FHIP2A: variants seen among roughly 807,000 people sequenced by gnomAD.
FHIP2A encodes family with sequence similarity 160 member B1.
In FHIP2A, 46 loss-of-function variants were observed where a neutral mutation model predicts 93.5. That is an observed-to-expected ratio of 0.49 (90% CI 0.39 to 0.63). The LOEUF (loss-of-function observed/expected upper bound fraction) is 0.63. Ranked by LOEUF, FHIP2A falls within the 20% of genes least tolerant of loss-of-function variation. FHIP2A has a pLI of 0.00. For missense variants in FHIP2A, 769 were observed against 909.7 expected, an observed-to-expected ratio of 0.85 and a Z score of 1.99; for synonymous variants, 332 against 326.5, an observed-to-expected ratio of 1.02 and a Z score of -0.18.
intron 1 of FHIP2A, among the ~76,000 whole-genome samples, chr10:114,822,891 A>T (rs762985737): frequency 3.2e-4 from 48 of 152,244 alleles, no homozygotes; most frequent in Non-Finnish European, 6.2e-4. Flanking sequence ...AGGGTTTTAG[A>T]CACCAGCATA....
chr10:114,859,537 G>A (rs2083785614), intron 14 of FHIP2A, among the ~76,000 whole-genome samples: 1 of 152,136 alleles, frequency 6.6e-6, no homozygotes. Flanking sequence ...TGGGTTCTCT[G>A]CAGCCTCCTC....
intron 5 of FHIP2A, among the ~76,000 whole-genome samples, chr10:114,839,999 T>G (rs1010507186): frequency 1.3e-5 from 2 of 151,534 alleles, no homozygotes; most frequent in Non-Finnish European, 2.9e-5. Flanking sequence ...AAGGTGAGAA[T>G]CAAAGGAAAG....
At chr10:114,856,056 T>C (rs2083764785) in intron 14 of FHIP2A, among the ~76,000 whole-genome samples, 1 of 152,202 alleles carries the variant, frequency 6.6e-6, no homozygotes, top group African/African-American at 2.4e-5. Flanking sequence ...GTGTGGAAAC[T>C]GAGTGGACCA....
intron 12 of FHIP2A, among the ~76,000 whole-genome samples, chr10:114,847,750 C>CTTT (rs35185002): frequency 2.9e-4 from 41 of 139,040 alleles, no homozygotes; most frequent in Non-Finnish European, 4.0e-4. Context: ...CCTCCCCCAC[C>CTTT]TTTTTTTTTT....
In FHIP2A at chr10:114,846,192, T is replaced by C; in HGVS notation, c.1223T>C (p.Leu408Pro). 6.2e-7 allele frequency: 1 copy of C among 1,614,204 alleles called. No homozygotes were observed. The highest frequency in any genetic ancestry group is 1.7e-5 in the Admixed American group (1 of 60,026). Reference sequence around the variant, plus strand: ...GTGCTCAGTTCTGAGATGGGTATTCTCACATCCACTGCTCTGCTTCATCGC... The same window carrying C: ...GTGCTCAGTTCTGAGATGGGTATTCCCACATCCACTGCTCTGCTTCATCGC... ...QLMQTSEMGI[L>P]TSTALLHRIV... is the part of the protein sequence containing the mutation. Residue 408 changes from leucine to proline, a missense_variant, in exon 10 of 17, where the codon CTC becomes CCC. By Grantham distance (98) the Leu-to-Pro change is moderately conservative. Coordinates refer to ENST00000369248, the MANE Select transcript of FHIP2A (RefSeq NM_020940.4).
chr10:114,885,182 G>T (rs138273981), intron 16 of FHIP2A, among the ~76,000 whole-genome samples: 1 of 151,980 alleles, frequency 6.6e-6, no homozygotes, highest in Non-Finnish European at 1.5e-5. Flanking sequence ...ATCACCTGAG[G>T]TCAGGAGTTT....
intron 16 of FHIP2A, among the ~76,000 whole-genome samples, chr10:114,896,046 G>A (rs2083999698): frequency 6.6e-6 from 1 of 152,106 alleles, no homozygotes; most frequent in Admixed American, 6.5e-5. Flanking sequence ...GTGCCACTGA[G>A]CCAACCAGCA....
chr10:114,893,177 G>A (rs1228858415), intron 16 of FHIP2A, among the ~76,000 whole-genome samples: 1 of 152,154 alleles, frequency 6.6e-6, no homozygotes, highest in African/African-American at 2.4e-5. Context: ...AGTCTCTGGA[G>A]CATTATTTAT....
chr10:114,825,385 G>A (rs532516806), intron 1 of FHIP2A, among the ~76,000 whole-genome samples: 1 of 152,254 alleles, frequency 6.6e-6, no homozygotes, highest in Non-Finnish European at 1.5e-5. Context: ...TAAACATAGA[G>A]TTTATCTTAC....
intron 1 of FHIP2A, among the ~76,000 whole-genome samples, chr10:114,828,357 G>A (rs2083589632): frequency 6.6e-6 from 1 of 152,174 alleles, no homozygotes; most frequent in South Asian, 2.1e-4. Context: ...TTGAAATACA[G>A]TTAAATCCCA....
At chr10:114,875,219 G>A (rs2143014523) in intron 16 of FHIP2A, among the ~76,000 whole-genome samples, 1 of 152,344 alleles carries the variant, frequency 6.6e-6, no homozygotes, top group East Asian at 1.9e-4. Context: ...AAGGACTGCT[G>A]TGGATTCTGA....
intron 16 of FHIP2A, among the ~76,000 whole-genome samples, chr10:114,887,883 T>A (rs1054671913): frequency 6.6e-6 from 1 of 152,204 alleles, no homozygotes; most frequent in South Asian, 2.1e-4. Context: ...CCTTTCACCG[T>A]CTATTCTCTG....
At chr10:114,837,498 G>A (rs937803995) in intron 5 of FHIP2A, among the ~76,000 whole-genome samples, 3 of 152,208 alleles carry the variant, frequency 2.0e-5, no homozygotes, top group East Asian at 1.9e-4. Context: ...CTGGGCAACA[G>A]TGTGAGACTC....
intron 2 of FHIP2A, among the ~76,000 whole-genome samples, chr10:114,831,349 A>G (rs1592013807): frequency 6.6e-6 from 1 of 152,192 alleles, no homozygotes; most frequent in African/African-American, 2.4e-5. Flanking sequence ...ATTGCCCAAT[A>G]TGACTTGTGA....
chr10:114,856,912 C>G (rs564578207), intron 14 of FHIP2A, among the ~76,000 whole-genome samples: 424 of 152,130 alleles, frequency 2.8e-3, no homozygotes, highest in African/African-American at 9.6e-3. Flanking sequence ...AGCTGGTAAG[C>G]TATGGAGCCC....
chr10:114,851,064 C>T (rs2083732625), intron 13 of FHIP2A, among the ~76,000 whole-genome samples: 2 of 152,086 alleles, frequency 1.3e-5, no homozygotes, highest in Non-Finnish European at 2.9e-5. Flanking sequence ...CAGGCTTGTG[C>T]CACCATGCCA....
chr10:114,874,695 G>C (rs1370681194), intron 16 of FHIP2A, among the ~76,000 whole-genome samples: 2 of 152,098 alleles, frequency 1.3e-5, no homozygotes, highest in African/African-American at 2.4e-5. Context: ...GTAGAAATGG[G>C]GTTTCACCAT....
chr10:114,861,048 A>G lies in FHIP2A; in HGVS notation c.2088+159A>G, dbSNP rs944755285. On this transcript the variant is annotated intron_variant, in intron 15 of 16. Coordinates refer to ENST00000369248, the MANE Select transcript of FHIP2A (RefSeq NM_020940.4). ...GAACTACTATTTTTTCAATTATTTT[A>G]AATAATATGTAACTTTTATTTTAAA... Among the ~76,000 whole-genome samples, 10 of 152,248 alleles carry G rather than the reference A, an allele frequency of 6.6e-5. 1 individual carries two copies. Among genetic ancestry groups the G allele is most frequent in the African/African-American group, 2.4e-4 (10 of 41,470 alleles).
chr10:114,856,994 G>GCCT (rs1253267559), intron 14 of FHIP2A, among the ~76,000 whole-genome samples: 1 of 152,138 alleles, frequency 6.6e-6, no homozygotes, highest in Non-Finnish European at 1.5e-5. Flanking sequence ...AGGAGTCTGA[G>GCCT]GCAGGAGGAT....
Sources: gnomAD v4.1 joint callset for allele counts (sites outside exome capture counted in the v4.1 genomes callset) on GRCh38, gnomAD v4.1.1 for gene constraint, MANE v1.5 for transcripts, NCBI Gene and HGNC (gene_info 2026-07-23, HGNC 2026-07-21) for gene names.